Variants in PHACTR1 observed in about 807,000 individuals in gnomAD.
The protein encoded by PHACTR1 is RPEL repeat containing 1.
A neutral mutation model predicts 69.2 loss-of-function variants in PHACTR1; 16 were observed. The observed-to-expected ratio is 0.23, with a 90% CI of 0.16 to 0.35. The LOEUF is 0.35. PHACTR1 is among the 10% of genes least tolerant of loss of function. The probability of loss-of-function intolerance (pLI) is 1.00; values close to 1 mark genes in which losing one functional copy is unlikely to be tolerated. For synonymous variants in PHACTR1, 312 were observed against 284.5 expected, an observed-to-expected ratio of 1.10 and a Z score of -0.97; for missense variants, 510 against 734.7, an observed-to-expected ratio of 0.69 and a Z score of 3.54.
intron 10 of PHACTR1, among the ~76,000 whole-genome samples, chr6:13,243,889 G>A (rs970614785): frequency 9.9e-5 from 15 of 152,134 alleles, no homozygotes; most frequent in Non-Finnish European, 1.8e-4. Flanking sequence ...TAAGGATGAT[G>A]GCCTCCAGCT....
chr6:12,794,941 G>A (rs1435918636), intron 4 of PHACTR1, among the ~76,000 whole-genome samples: 14 of 152,268 alleles, frequency 9.2e-5, no homozygotes, highest in Admixed American at 7.8e-4. Context: ...ACTCTAGGGG[G>A]CTGTGAAGAG....
chr6:12,724,541 A>G (rs1444490524), intron 3 of PHACTR1, among the ~76,000 whole-genome samples: 2 of 152,284 alleles, frequency 1.3e-5, no homozygotes, highest in South Asian at 2.1e-4. Context: ...TTTTCATTCA[A>G]ACATATCCAT....
intron 4 of PHACTR1, among the ~76,000 whole-genome samples, chr6:13,042,314 G>T (rs1804313204): frequency 2.0e-5 from 3 of 152,164 alleles, no homozygotes; most frequent in African/African-American, 7.2e-5. Flanking sequence ...TCACGTTTTA[G>T]GGACTGGCAG....
At chr6:13,214,056 A>C (rs577428023) in intron 8 of PHACTR1, 1 of 152,108 alleles carries the variant, frequency 6.6e-6, no homozygotes, top group South Asian at 2.1e-4. Flanking sequence ...AGGCTTTTGC[A>C]TACTTACCTG....
intron 5 of PHACTR1, among the ~76,000 whole-genome samples, chr6:13,059,979 C>A (rs1048141510): frequency 6.6e-6 from 1 of 152,032 alleles, no homozygotes; most frequent in South Asian, 2.1e-4. Flanking sequence ...CAAGGACAGT[C>A]TTCTAGATGA....
At chr6:13,217,631 T>G (rs1391367722) in intron 8 of PHACTR1, among the ~76,000 whole-genome samples, 1 of 151,746 alleles carries the variant, frequency 6.6e-6, no homozygotes, top group East Asian at 1.9e-4. Context: ...AAAAAAAAAC[T>G]CAAAATACAT....
chr6:13,177,198 A>AAAAAAAAAAAAAAAAAAAAAAG (rs1434348131), intron 6 of PHACTR1, among the ~76,000 whole-genome samples: 1 of 146,112 alleles, frequency 6.8e-6, no homozygotes, highest in East Asian at 2.0e-4. Flanking sequence ...AAAAAAAAAA[A>AAAAAAAAAAAAAAAAAAAAAAG]AAAAATCCAG....
At chr6:13,054,238 G>A (rs1806433286) in intron 5 of PHACTR1, among the ~76,000 whole-genome samples, 1 of 152,204 alleles carries the variant, frequency 6.6e-6, no homozygotes. Context: ...CCTTACATGA[G>A]TTAATATTTG....
chr6:12,896,235 A>G (rs1353836752), intron 4 of PHACTR1, among the ~76,000 whole-genome samples: 1 of 152,264 alleles, frequency 6.6e-6, no homozygotes, highest in Non-Finnish European at 1.5e-5. Context: ...TAAACCCATG[A>G]GCAGGCATTA....
chr6:13,036,584 A>G (rs1244750542), intron 4 of PHACTR1, among the ~76,000 whole-genome samples: 1 of 152,222 alleles, frequency 6.6e-6, no homozygotes, highest in Non-Finnish European at 1.5e-5. Context: ...TGAAAAGCCA[A>G]TGGTCACCTT....
chr6:13,264,518 G>A (rs1353713731), intron 10 of PHACTR1, among the ~76,000 whole-genome samples: 1 of 151,894 alleles, frequency 6.6e-6, no homozygotes, highest in African/African-American at 2.4e-5. Context: ...TCAGGAGTTC[G>A]AGACCAGCCT....
chr6:13,134,381 A>G (rs1821185228), intron 5 of PHACTR1, among the ~76,000 whole-genome samples: 1 of 152,214 alleles, frequency 6.6e-6, no homozygotes, highest in Non-Finnish European at 1.5e-5. Flanking sequence ...GGAAAGAGAA[A>G]TCAGATTGTT....
At chr6:12,851,513 AG>A (rs1779824385) in intron 4 of PHACTR1, among the ~76,000 whole-genome samples, 1 of 152,218 alleles carries the variant, frequency 6.6e-6, no homozygotes, top group African/African-American at 2.4e-5. Context: ...ATGCAATAAA[AG>A]GTTCCATTTT....
intron 5 of PHACTR1, among the ~76,000 whole-genome samples, chr6:13,144,414 A>T (rs1430898871): frequency 1.3e-5 from 2 of 152,242 alleles, no homozygotes; most frequent in Non-Finnish European, 2.9e-5. Context: ...CCAGCAACAC[A>T]TATTGAAAAT....
rs4379290 is a variant in PHACTR1, at chr6:13,044,783, T to A, written c.251-8582T>A. 1.2e-3 allele frequency among the ~76,000 whole-genome samples: 185 copies of A among 152,236 alleles called. 1 individual carries two copies. The highest frequency in any genetic ancestry group is 2.4e-3 in the Admixed American group (37 of 15,300). ...TGGTTAGCATTTTCTAAGTGAAGCA[T>A]ATCTGAGCCTATTCCAGGCCTGACT... On this transcript the variant is annotated intron_variant, in intron 4 of 14. Coordinates refer to ENST00000332995, the MANE Select transcript of PHACTR1 (RefSeq NM_030948.6).
chr6:12,780,214 A>G (rs1203847546), intron 4 of PHACTR1, among the ~76,000 whole-genome samples: 1 of 151,640 alleles, frequency 6.6e-6, no homozygotes, highest in Non-Finnish European at 1.5e-5. Flanking sequence ...AATCTAGAAG[A>G]TAGAGTGGTG....
intron 4 of PHACTR1, among the ~76,000 whole-genome samples, chr6:12,988,169 G>C (rs541221319): frequency 6.6e-6 from 1 of 152,314 alleles, no homozygotes; most frequent in Non-Finnish European, 1.5e-5. Context: ...GGGTCCATTT[G>C]CAGTACATAT....
intron 5 of PHACTR1, among the ~76,000 whole-genome samples, chr6:13,109,911 G>A (rs11754531): frequency 0.19 from 27,940 of 150,348 alleles, 2,736 homozygotes; most frequent in Middle Eastern, 0.24. Flanking sequence ...CTTCAAGTTC[G>A]CTGATCTTTT....
intron 7 of PHACTR1, among the ~76,000 whole-genome samples, chr6:13,203,775 G>C (rs941127408): frequency 6.6e-6 from 1 of 152,206 alleles, no homozygotes; most frequent in Non-Finnish European, 1.5e-5. Flanking sequence ...CAGCAGTTCA[G>C]GAGTGAGGGT....
Sources: gnomAD v4.1 joint callset for allele counts (sites outside exome capture counted in the v4.1 genomes callset) on GRCh38, gnomAD v4.1.1 for gene constraint, MANE v1.5 for transcripts, NCBI Gene and HGNC (gene_info 2026-07-23, HGNC 2026-07-21) for gene names.